Variants in GLIS3 observed in about 807,000 individuals in gnomAD.
GLIS3 encodes GLIS family zinc finger 3, also known as zinc finger protein GLIS3.
A neutral mutation model predicts 78.6 loss-of-function variants in GLIS3; 53 were observed. The observed-to-expected ratio is 0.67, with a 90% CI of 0.54 to 0.85. The LOEUF (loss-of-function observed/expected upper bound fraction) is 0.85. GLIS3 is among the 40% of genes least tolerant of loss of function. The probability of loss-of-function intolerance (pLI) is 0.00; values close to 1 mark genes in which losing one functional copy is unlikely to be tolerated. For missense variants in GLIS3, 1,703 were observed against 1,231.1 expected (o/e 1.38, Z -5.74); for synonymous variants, 684 against 509.9 (o/e 1.34, Z -4.60).
chr9:3,840,762 G>A (rs1818663142), intron 9 of GLIS3, among the ~76,000 whole-genome samples: 1 of 152,180 alleles, frequency 6.6e-6, no homozygotes, highest in Non-Finnish European at 1.5e-5. Flanking sequence ...GTGGTTCCAA[G>A]AAGCAAGGCC....
At chr9:4,063,795 T>C (rs945292322) in intron 4 of GLIS3, among the ~76,000 whole-genome samples, 3 of 152,104 alleles carry the variant, frequency 2.0e-5, no homozygotes, top group Non-Finnish European at 2.9e-5. Flanking sequence ...AAAATCATCA[T>C]AGAAAAATAA....
chr9:4,031,891 A>AT (rs969818290), intron 4 of GLIS3, among the ~76,000 whole-genome samples: 5 of 152,124 alleles, frequency 3.3e-5, no homozygotes, highest in African/African-American at 7.2e-5. Flanking sequence ...TTAAACCCGC[A>AT]TTTTTTCATG....
chr9:4,188,605 A>G lies in GLIS3; in HGVS notation c.389-62664T>C, dbSNP rs200458572. 1.4e-4 allele frequency among the ~76,000 whole-genome samples: 21 copies of G among 152,210 alleles called. No homozygotes were observed. In the East Asian group the frequency reaches 2.3e-3, roughly 17 times the overall value. ...CCTCCTTGTACCTCTGGTAGAATTC[A>G]GCTGTGAATCCATCTGGTCCTGGAC... On this transcript the variant is annotated intron_variant, in intron 2 of 10. Transcript: ENST00000381971.
At chr9:4,096,984 C>G (rs537407058) in intron 4 of GLIS3, among the ~76,000 whole-genome samples, 11 of 152,162 alleles carry the variant, frequency 7.2e-5, no homozygotes, top group African/African-American at 2.7e-4. Context: ...TGCACTCCAG[C>G]CTGGGCAACA....
the GLIS3 span, among the ~76,000 whole-genome samples, chr9:4,468,863 C>T: frequency 2.0e-5 from 3 of 152,108 alleles, no homozygotes; most frequent in African/African-American, 2.4e-5. Flanking sequence ...AGAGTCAAGA[C>T]CCATCAGTGT....
At chr9:4,371,653 G>C in the GLIS3 span, among the ~76,000 whole-genome samples, 2 of 151,984 alleles carry the variant, frequency 1.3e-5, no homozygotes, top group African/African-American at 2.4e-5. Flanking sequence ...CTTTCAACTG[G>C]CCTCTGCCCC....
chr9:4,243,797 G>C (rs943182696), intron 2 of GLIS3, among the ~76,000 whole-genome samples: 28 of 152,066 alleles, frequency 1.8e-4, no homozygotes, highest in African/African-American at 5.3e-4. Context: ...AACAGCTGTC[G>C]AGTTTGTAAC....
At chr9:4,319,385 G>A (rs147165205) in intron 2 of GLIS3, among the ~76,000 whole-genome samples, 27 of 152,312 alleles carry the variant, frequency 1.8e-4, no homozygotes, top group African/African-American at 6.5e-4. Context: ...AACAACTGGT[G>A]AATCTGGGTG....
chr9:4,354,985 G>A, the GLIS3 span, among the ~76,000 whole-genome samples: 9 of 151,840 alleles, frequency 5.9e-5, no homozygotes, highest in Admixed American at 1.3e-4. Flanking sequence ...GCGTGGTGGC[G>A]GGTGCCTGTA....
intron 2 of GLIS3, among the ~76,000 whole-genome samples, chr9:4,256,028 CTA>C (rs1237579251): frequency 6.6e-6 from 1 of 152,000 alleles, no homozygotes; most frequent in Non-Finnish European, 1.5e-5. Flanking sequence ...GTTCTAAAAA[CTA>C]AGTCTATTTT....
chr9:3,932,175 GCCA>G (rs1172572227), intron 6 of GLIS3, among the ~76,000 whole-genome samples, 182 bp downstream of exon 6: 14 of 151,996 alleles, frequency 9.2e-5, no homozygotes, highest in Admixed American at 2.6e-4. Flanking sequence ...GCAAACCATA[GCCA>G]TATCAGCTAT....
intron 4 of GLIS3, 121 bp downstream of exon 4, chr9:4,117,647 T>C: frequency 9.3e-7 from 1 of 1,072,204 alleles, no homozygotes; most frequent in South Asian, 1.3e-5. Context: ...GGGAACCCCA[T>C]CTCATGGATA....
intron 4 of GLIS3, among the ~76,000 whole-genome samples, chr9:4,048,486 G>GA (rs1039373387): frequency 1.5e-4 from 23 of 151,110 alleles, no homozygotes; most frequent in African/African-American, 3.1e-4. Context: ...CTCATAAATA[G>GA]AAAAAAAAAG....
intron 1 of GLIS3, among the ~76,000 whole-genome samples, chr9:4,288,268 T>A (rs1828166323): frequency 6.6e-6 from 1 of 152,178 alleles, no homozygotes; most frequent in East Asian, 1.9e-4. Context: ...GATAAAATAG[T>A]GTTTTCTGAG....
intron 4 of GLIS3, among the ~76,000 whole-genome samples, chr9:3,964,105 T>C (rs1817757684): frequency 6.6e-6 from 1 of 151,882 alleles, no homozygotes; most frequent in Admixed American, 6.6e-5. Context: ...GGCTGCAAAG[T>C]ATCATTGCTG....
chr9:4,177,423 GT>G (rs1380815574), intron 2 of GLIS3, among the ~76,000 whole-genome samples: 4 of 152,140 alleles, frequency 2.6e-5, no homozygotes, highest in Non-Finnish European at 5.9e-5. Context: ...CCAAATTTTG[GT>G]TGACATACAT....
intron 2 of GLIS3, among the ~76,000 whole-genome samples, chr9:4,150,738 T>C (rs533764957): frequency 6.6e-6 from 1 of 152,298 alleles, no homozygotes; most frequent in South Asian, 2.1e-4. Context: ...TTAGAAATCA[T>C]GTGTCCAACC....
In GLIS3 at chr9:4,101,176, C is replaced by T. The variant is rs891425763; in HGVS notation, c.1710+16592G>A. 2.4e-4 allele frequency among the ~76,000 whole-genome samples: 36 copies of T among 152,154 alleles called. 1 individual carries two copies. Among genetic ancestry groups the T allele is most frequent in the Admixed American group, 1.8e-3 (28 of 15,276 alleles). On this transcript the variant is annotated intron_variant, in intron 4 of 10. Coordinates refer to ENST00000381971, the MANE Select transcript of GLIS3 (RefSeq NM_001042413.2). ...CATAAAATCACTTGAGCTGTTTCCTCGCCTTAAAATGGAAATAAAAATTGC... is the reference window on the plus strand; with the variant it reads ...CATAAAATCACTTGAGCTGTTTCCTTGCCTTAAAATGGAAATAAAAATTGC...
At chr9:4,321,833 C>G (rs1195808073) in intron 2 of GLIS3, among the ~76,000 whole-genome samples, 1 of 152,012 alleles carries the variant, frequency 6.6e-6, no homozygotes, top group Non-Finnish European at 1.5e-5. Flanking sequence ...CTCACCCTCC[C>G]GAGTAGCTGG....
Sources: gnomAD v4.1 joint callset for allele counts (sites outside exome capture counted in the v4.1 genomes callset) on GRCh38, gnomAD v4.1.1 for gene constraint, MANE v1.5 for transcripts, NCBI Gene and HGNC (gene_info 2026-07-23, HGNC 2026-07-21) for gene names.